PAFAH1B1: variants seen among roughly 807,000 people sequenced by gnomAD.
PAFAH1B1 encodes platelet-activating factor acetylhydrolase IB subunit beta.
PAFAH1B1 carries 2 observed loss-of-function variants against 57.5 expected under a neutral mutation model. That is an observed-to-expected ratio of 0.03 (90% CI 0.01 to 0.11). PAFAH1B1 has a LOEUF of 0.11. Ranked by LOEUF, PAFAH1B1 falls within the 10% of genes least tolerant of loss-of-function variation. The pLI, the probability that PAFAH1B1 is intolerant of heterozygous loss-of-function variation, is 1.00. For synonymous variants in PAFAH1B1, 152 were observed against 169.6 expected, an observed-to-expected ratio of 0.90 and a Z score of 0.81; for missense variants, 257 against 512.0, an observed-to-expected ratio of 0.50 and a Z score of 4.81.
chr17:2,680,454 T>C, intron 10 of PAFAH1B1, 134 bp downstream of exon 10: 1 of 798,956 alleles, frequency 1.3e-6, no homozygotes, highest in Admixed American at 1.8e-5. Context: ...GACATGAAAA[T>C]CTTGTGGATT....
chr17:2,665,324 A>G (rs199803878), intron 2 of PAFAH1B1, 48 bp from the exon 3 acceptor site: 5 of 998,986 alleles, frequency 5.0e-6, no homozygotes, highest in Non-Finnish European at 8.0e-6. Context: ...TTTCTTCAGA[A>G]TAGAAATGAG....
At chr17:2,659,520 C>CAA (rs1162326785) in intron 2 of PAFAH1B1, 1,159 of 42,814 alleles carry the variant, frequency 0.027, 30 homozygotes, top group African/African-American at 0.073. Flanking sequence ...ACTGCCTCGC[C>CAA]AAAAAAAAAA....
chr17:2,680,944 T>C (rs747179825), intron 10 of PAFAH1B1: 2 of 164,986 alleles, frequency 1.2e-5, no homozygotes, highest in Non-Finnish European at 2.6e-5. Context: ...ATTGTTAGAT[T>C]TGAGCCCTGC....
intron 1 of PAFAH1B1, among the ~76,000 whole-genome samples, chr17:2,605,617 G>A (rs919809937): frequency 2.0e-5 from 3 of 152,180 alleles, no homozygotes; most frequent in East Asian, 1.9e-4. Flanking sequence ...ACTCCCTGCC[G>A]CGCCCCCCTT....
chr17:2,615,970 G>A (rs1245890825), intron 1 of PAFAH1B1, among the ~76,000 whole-genome samples: 1 of 152,158 alleles, frequency 6.6e-6, no homozygotes, highest in Non-Finnish European at 1.5e-5. Context: ...ATTAATGAGG[G>A]TGCTTACAAG....
At chr17:2,681,365 A>G (rs1328877476) in intron 10 of PAFAH1B1, 2 of 168,478 alleles carry the variant, frequency 1.2e-5, no homozygotes, top group Non-Finnish European at 2.5e-5. Context: ...GGCAAACTAG[A>G]TACCTTCTTG....
chr17:2,620,784 C>A (rs375171888), intron 1 of PAFAH1B1, among the ~76,000 whole-genome samples: 1 of 151,982 alleles, frequency 6.6e-6, no homozygotes, highest in African/African-American at 2.4e-5. Flanking sequence ...ATCACTTGAA[C>A]CTGGGAGGCA....
At chr17:2,626,804 C>T (rs1025093954) in intron 1 of PAFAH1B1, among the ~76,000 whole-genome samples, 12 of 152,070 alleles carry the variant, frequency 7.9e-5, no homozygotes, top group African/African-American at 2.2e-4. Context: ...CTGCCCGCAT[C>T]GACCTCCCAG....
At chr17:2,620,730 C>T (rs1207728808) in intron 1 of PAFAH1B1, among the ~76,000 whole-genome samples, 7 of 151,976 alleles carry the variant, frequency 4.6e-5, no homozygotes, top group African/African-American at 7.3e-5. Flanking sequence ...GGTATGGTGG[C>T]GCGTACCTGT....
chr17:2,618,954 C>CA (rs34683975), intron 1 of PAFAH1B1, among the ~76,000 whole-genome samples: 10,893 of 75,480 alleles, frequency 0.14, 789 homozygotes, highest in South Asian at 0.28. Flanking sequence ...GACTCCGTCT[C>CA]AAAAAAAAAA....
chr17:2,638,441 T>C (rs773646842), intron 2 of PAFAH1B1, 121 bp downstream of exon 2: 128 of 791,872 alleles, frequency 1.6e-4, no homozygotes, highest in Non-Finnish European at 2.5e-4. Flanking sequence ...AGTGTTCCAA[T>C]ATTAGTTTAG....
intron 2 of PAFAH1B1, among the ~76,000 whole-genome samples, chr17:2,663,970 G>A (rs951969563): frequency 6.6e-6 from 1 of 152,022 alleles, no homozygotes; most frequent in African/African-American, 2.4e-5. Context: ...TGAGATTACA[G>A]GCGTGAGCCA....
At chr17:2,632,134 G>A (rs1263692771) in intron 1 of PAFAH1B1, among the ~76,000 whole-genome samples, 1 of 152,138 alleles carries the variant, frequency 6.6e-6, no homozygotes, top group Non-Finnish European at 1.5e-5. Context: ...TTGCTGTGTT[G>A]CTCAGGCTGG....
chr17:2,677,102 G>A (rs563213402), intron 9 of PAFAH1B1, among the ~76,000 whole-genome samples: 9 of 152,156 alleles, frequency 5.9e-5, no homozygotes, highest in South Asian at 2.1e-4. Flanking sequence ...GCAGTGAGCC[G>A]AGATTGTGCC....
chr17:2,599,565 T>C (rs1199418290), intron 1 of PAFAH1B1, among the ~76,000 whole-genome samples: 2 of 152,212 alleles, frequency 1.3e-5, no homozygotes, highest in East Asian at 3.8e-4. Context: ...TGCATTTGAC[T>C]GAATGGTTAT....
chr17:2,615,128 A>G (rs2068322073), intron 1 of PAFAH1B1, among the ~76,000 whole-genome samples: 1 of 152,158 alleles, frequency 6.6e-6, no homozygotes, highest in South Asian at 2.1e-4. Flanking sequence ...AATACAATAT[A>G]ACAACTATTT....
At position 2,612,902 on chromosome 17, in the gene PAFAH1B1, G is replaced by T. The variant is rs2068283245; in HGVS notation, c.-191+18896G>T. Among the ~76,000 whole-genome samples, 3 of 152,108 alleles carry T rather than the reference G, an allele frequency of 2.0e-5. No individual in the cohort carries two copies. In the South Asian group the frequency reaches 6.2e-4, roughly 31 times the overall value. On this transcript the variant is annotated intron_variant, in intron 1 of 10. Coordinates refer to ENST00000397195, the MANE Select transcript of PAFAH1B1 (RefSeq NM_000430.4). ...TGAGATTACTGGTGTGAGCCAGCATGCCCGGCCTGCCACCTGATTTTGTAC... is the reference window on the plus strand; with the variant it reads ...TGAGATTACTGGTGTGAGCCAGCATTCCCGGCCTGCCACCTGATTTTGTAC...
At chr17:2,678,597 C>T (rs1274079204) in intron 9 of PAFAH1B1, among the ~76,000 whole-genome samples, 2 of 151,218 alleles carry the variant, frequency 1.3e-5, no homozygotes, top group African/African-American at 4.9e-5. Context: ...ACAAGAAAAA[C>T]ATACTCTTGG....
intron 2 of PAFAH1B1, among the ~76,000 whole-genome samples, chr17:2,650,420 G>A (rs2151643904): frequency 6.6e-6 from 1 of 151,906 alleles, no homozygotes. Context: ...GCTGAGACAG[G>A]AGAATCACTT....
Sources: allele counts gnomAD v4.1 joint callset (sites outside exome capture counted in the v4.1 genomes callset), GRCh38; gene constraint gnomAD v4.1.1; transcripts MANE v1.5; gene names NCBI Gene and HGNC (gene_info 2026-07-23, HGNC 2026-07-21).